Variants in NOVA1 observed in about 807,000 individuals in gnomAD.
NOVA1 encodes RNA-binding protein Nova-1.
NOVA1 carries 7 observed loss-of-function variants against 38.0 expected under a neutral mutation model. That is an observed-to-expected ratio of 0.18 (90% CI 0.10 to 0.35). The LOEUF is 0.35. NOVA1 is among the 10% of genes least tolerant of loss of function. The pLI, the probability that NOVA1 is intolerant of heterozygous loss-of-function variation, is 1.00. For missense variants in NOVA1, 460 were observed against 616.0 expected, an observed-to-expected ratio of 0.75 and a Z score of 2.68; for synonymous variants, 270 against 232.5, an observed-to-expected ratio of 1.16 and a Z score of -1.47.
chr14:26,568,364 A>G (rs1337757772), intron 2 of NOVA1: 1 of 152,208 alleles, frequency 6.6e-6, no homozygotes, highest in African/African-American at 2.4e-5. Flanking sequence ...CTGGAGTCAG[A>G]CAGACTTGAG....
At chr14:26,480,209 G>A in intron 2 of NOVA1, 66 bp from the exon 3 acceptor site, 1 of 1,436,482 alleles carries the variant, frequency 7.0e-7, no homozygotes. Context: ...TATGAAAAAG[G>A]ATGATATCAT....
intron 4 of NOVA1, among the ~76,000 whole-genome samples, chr14:26,471,566 A>G (rs1884595014): frequency 6.6e-6 from 1 of 151,884 alleles, no homozygotes; most frequent in Admixed American, 6.6e-5. Flanking sequence ...AACATTGTCA[A>G]ATTAAAGTAC....
intron 4 of NOVA1, among the ~76,000 whole-genome samples, chr14:26,454,909 T>C (rs1358163024): frequency 6.6e-6 from 1 of 152,146 alleles, no homozygotes; most frequent in Non-Finnish European, 1.5e-5. Context: ...CCAGTGGAGA[T>C]ACATGTGCCA....
chr14:26,571,357 C>G (rs891180909), intron 2 of NOVA1, among the ~76,000 whole-genome samples: 1 of 152,014 alleles, frequency 6.6e-6, no homozygotes, highest in Non-Finnish European at 1.5e-5. Context: ...AGAGTACTCA[C>G]GAGAAGATAC....
At chr14:26,567,348 T>G (rs1334362972) in intron 2 of NOVA1, among the ~76,000 whole-genome samples, 1 of 135,216 alleles carries the variant, frequency 7.4e-6, no homozygotes, top group Non-Finnish European at 1.5e-5. Context: ...CAAGCTGGAA[T>G]GCAGTGGCGC....
intron 2 of NOVA1, among the ~76,000 whole-genome samples, chr14:26,504,263 C>A (rs896465137): frequency 6.6e-6 from 1 of 152,118 alleles, no homozygotes; most frequent in Non-Finnish European, 1.5e-5. Context: ...TAAAATTATT[C>A]AACAGATGGT....
At chr14:26,462,450 C>T (rs1883760616) in intron 4 of NOVA1, among the ~76,000 whole-genome samples, 1 of 151,034 alleles carries the variant, frequency 6.6e-6, no homozygotes, top group African/African-American at 2.5e-5. Context: ...TCAAACATTT[C>T]AAGAGGCGTC....
chr14:26,501,558 T>G (rs553713805), intron 2 of NOVA1, among the ~76,000 whole-genome samples: 2 of 151,902 alleles, frequency 1.3e-5, no homozygotes, highest in Non-Finnish European at 2.9e-5. Flanking sequence ...ATATGAAGTA[T>G]AAAGAAATAA....
At position 26,480,026 on chromosome 14, in the gene NOVA1, A is replaced by T; in HGVS notation, c.398T>A (p.Val133Asp). ...MPQNVAKTEPVSILQPQTTVN... is the reference protein window; with the variant it reads ...MPQNVAKTEPDSILQPQTTVN... ...GGTGGTCTGGGGTTGTAGAATGCTGACTGGTTCTGTCTTGGCCACATTTTG... is the reference window on the plus strand; with the variant it reads ...GGTGGTCTGGGGTTGTAGAATGCTGTCTGGTTCTGTCTTGGCCACATTTTG... Residue 133 changes from valine (V) to aspartate (D), a missense_variant, in exon 3 of 5, where the codon GTC becomes GAC. Transcript: ENST00000539517. 6.2e-7 allele frequency: 1 copy of T among 1,614,024 alleles called. No individual in the cohort carries two copies. The highest frequency in any genetic ancestry group is 8.5e-7 in the Non-Finnish European group (1 of 1,179,992).
rs987278944 is a variant in NOVA1, at chr14:26,596,995, G to T, written c.136+306C>A. 2.4e-6 allele frequency: 3 copies of T among 1,236,586 alleles called. No individual in the cohort carries two copies. The African/African-American group carries it at 4.6e-5, about 19-fold the overall frequency. The allele number at this position is 1,236,586 out of a possible 1,614,324, so 76.6% of individuals were successfully genotyped here. ...CCTCCTGAATGGACCTTCTTGCCCAGGTCTAGGATATTTACATGGTCAACC... is the reference window on the plus strand; with the variant it reads ...CCTCCTGAATGGACCTTCTTGCCCATGTCTAGGATATTTACATGGTCAACC... On this transcript the variant is annotated intron_variant, in intron 1 of 4. Coordinates refer to ENST00000539517, the MANE Select transcript of NOVA1 (RefSeq NM_002515.3).
intron 2 of NOVA1, among the ~76,000 whole-genome samples, chr14:26,564,997 A>G (rs945012028): frequency 4.6e-5 from 7 of 152,216 alleles, no homozygotes; most frequent in African/African-American, 1.7e-4. Context: ...GTTCATCACC[A>G]TGATGAGCAG....
In NOVA1 at chr14:26,448,436, AGCT is replaced by A. The variant is rs1329583525; in HGVS notation, c.1044_1046del (p.Ala350del). 6.8e-6 allele frequency: 11 copies of A among 1,611,912 alleles called. No individual in the cohort carries two copies. The highest frequency in any genetic ancestry group is 9.3e-6 in the Non-Finnish European group (11 of 1,179,534). On this transcript the variant is annotated inframe_deletion, in exon 5 of 5. Coordinates refer to ENST00000539517, the MANE Select transcript of NOVA1 (RefSeq NM_002515.3). This position sits in a 1 kb window ranked among gnomAD's most constrained non-coding sequence, Gnocchi z 5.3. ...CTGCTGCTGCTGGGTTGGCACTGGC[AGCT>A]GCTGCAGCCAAAGCCCCTGTTGCTG...
intron 2 of NOVA1, among the ~76,000 whole-genome samples, chr14:26,496,772 T>C (rs1227379214): frequency 2.0e-5 from 3 of 152,174 alleles, no homozygotes; most frequent in Non-Finnish European, 4.4e-5. Context: ...ATTGCTTGTT[T>C]TTCTCAGGTT....
chr14:26,463,596 A>G (rs955267793), intron 4 of NOVA1, among the ~76,000 whole-genome samples: 14 of 152,142 alleles, frequency 9.2e-5, no homozygotes, highest in Non-Finnish European at 1.8e-4. Context: ...TGTGTTCAAG[A>G]TATTTTTTCC....
At chr14:26,455,365 T>C (rs1456633936) in intron 4 of NOVA1, among the ~76,000 whole-genome samples, 3 of 152,102 alleles carry the variant, frequency 2.0e-5, no homozygotes, top group Admixed American at 6.6e-5. Flanking sequence ...AATATAGAAT[T>C]GGCCATTAAT....
intron 2 of NOVA1, among the ~76,000 whole-genome samples, chr14:26,485,620 A>T: frequency 6.6e-6 from 1 of 152,168 alleles, no homozygotes; most frequent in East Asian, 1.9e-4. Flanking sequence ...ACATTATTCA[A>T]ACCAGAGTAA....
chr14:26,444,665 C>T lies in NOVA1; in HGVS notation c.*3294G>A, dbSNP rs1412272171. The T allele has an allele frequency of 2.0e-5, 3 of 151,840 alleles. No individual in the cohort carries two copies. The highest frequency in any genetic ancestry group is 7.3e-5 in the African/African-American group (3 of 41,330). 9.4% of individuals were successfully genotyped at this position (151,840 alleles called of 1,614,324 possible). Reference sequence around the variant, plus strand: ...CAGAAATAGATACATTTAACTGTTTCAGGAGTGGGGTGGGTGAAGTGAAGT... The same window carrying T: ...CAGAAATAGATACATTTAACTGTTTTAGGAGTGGGGTGGGTGAAGTGAAGT... On this transcript the variant is annotated 3_prime_UTR_variant, in exon 5 of 5. Coordinates refer to ENST00000539517, the MANE Select transcript of NOVA1 (RefSeq NM_002515.3).
chr14:26,467,456 A>T (rs1884235812), intron 4 of NOVA1, among the ~76,000 whole-genome samples: 1 of 152,166 alleles, frequency 6.6e-6, no homozygotes, highest in Non-Finnish European at 1.5e-5. Flanking sequence ...GGAAATAGAG[A>T]GTAGAGATAA....
intron 2 of NOVA1, among the ~76,000 whole-genome samples, chr14:26,505,301 C>T (rs1486045235): frequency 1.3e-5 from 2 of 152,002 alleles, no homozygotes; most frequent in Non-Finnish European, 2.9e-5. Context: ...AGAGGAGGGA[C>T]CTCATGGGAG....
Sources: allele counts gnomAD v4.1 joint callset (sites outside exome capture counted in the v4.1 genomes callset), GRCh38; gene constraint gnomAD v4.1.1; non-coding constraint Gnocchi (gnomAD v3.1); transcripts MANE v1.5; gene names NCBI Gene and HGNC (gene_info 2026-07-23, HGNC 2026-07-21).